CNTLN: variants seen among roughly 807,000 people sequenced by gnomAD.
CNTLN encodes the protein centlein.
In CNTLN, 212 loss-of-function variants were observed where a neutral mutation model predicts 180.0. The ratio of observed to expected loss-of-function variants is 1.18; its 90% CI spans 1.05 to 1.32. The LOEUF is 1.32. Ranked by LOEUF, CNTLN falls within the 40% of genes most tolerant of loss-of-function variation. The probability of loss-of-function intolerance (pLI) is 0.00; values close to 1 mark genes in which losing one functional copy is unlikely to be tolerated. For synonymous variants in CNTLN, 722 were observed against 563.1 expected, an observed-to-expected ratio of 1.28 and a Z score of -3.99; for missense variants, 2,095 against 1,610.9, an observed-to-expected ratio of 1.30 and a Z score of -5.14.
intron 12 of CNTLN, among the ~76,000 whole-genome samples, chr9:17,352,560 AT>A (rs112794339): frequency 0.029 from 4,466 of 152,118 alleles, 159 homozygotes; most frequent in African/African-American, 0.084. Context: ...TTAACAATAT[AT>A]AAATTTCACA....
the CNTLN span, among the ~76,000 whole-genome samples, chr9:17,514,589 A>G: frequency 9.2e-5 from 14 of 152,354 alleles, no homozygotes; most frequent in African/African-American, 3.4e-4. Context: ...ATTTACTAAT[A>G]AAAACATAAG....
intron 2 of CNTLN, among the ~76,000 whole-genome samples, chr9:17,171,601 T>C (rs75566508): frequency 0.019 from 2,895 of 152,268 alleles, 59 homozygotes; most frequent in African/African-American, 0.05. Flanking sequence ...TCCCTCTTGG[T>C]GCTGGGTCTA....
intron 2 of CNTLN, among the ~76,000 whole-genome samples, chr9:17,164,141 ATC>A (rs1232551809): frequency 6.6e-6 from 1 of 151,782 alleles, no homozygotes; most frequent in Non-Finnish European, 1.5e-5. Context: ...GCGAAAACCC[ATC>A]TCTACTAAAA....
intron 18 of CNTLN, among the ~76,000 whole-genome samples, chr9:17,451,225 A>G (rs368854264): frequency 6.6e-6 from 1 of 152,190 alleles, no homozygotes; most frequent in Non-Finnish European, 1.5e-5. Context: ...TAGAATTTAC[A>G]TATATTCTGT....
intron 8 of CNTLN, among the ~76,000 whole-genome samples, chr9:17,312,384 A>ATATATATAATATATATATATATATATT (rs1563985021): frequency 9.3e-6 from 1 of 108,100 alleles, no homozygotes; most frequent in African/African-American, 3.6e-5. Context: ...ATATATATAT[A>ATATATATAATATATATATATATATATT]ATTTATTTAT....
rs79062956 is a variant in CNTLN, at chr9:17,299,385, G to T, written c.1146+1033G>T. On this transcript the variant is annotated intron_variant, in intron 7 of 25. Coordinates refer to ENST00000380647, the MANE Select transcript of CNTLN (RefSeq NM_017738.4). ...GTAGTTGAGGCAAGTGAGGCTTAGAGAGGTTAAATAATACACAGTTCATAT... is the reference window on the plus strand; with the variant it reads ...GTAGTTGAGGCAAGTGAGGCTTAGATAGGTTAAATAATACACAGTTCATAT... 4.0e-3 allele frequency: 3,523 copies of T among 878,908 alleles called. 108 individuals carry two copies. The African/African-American group carries it at 0.06, about 15-fold the overall frequency. 54.4% of individuals were successfully genotyped at this position (878,908 alleles called of 1,614,324 possible). A position where few individuals can be genotyped will look rare whatever the true frequency, so the allele number is the denominator to read the frequency against.
At chr9:17,413,109 A>G (rs1240281941) in intron 16 of CNTLN, among the ~76,000 whole-genome samples, 1 of 150,610 alleles carries the variant, frequency 6.6e-6, no homozygotes, top group Non-Finnish European at 1.5e-5. Context: ...CAGAGAATCT[A>G]GAAATGGATC....
At chr9:17,456,416 T>C (rs1232863865) in intron 18 of CNTLN, among the ~76,000 whole-genome samples, 1 of 152,174 alleles carries the variant, frequency 6.6e-6, no homozygotes, top group African/African-American at 2.4e-5. Flanking sequence ...CAAAACAGTT[T>C]GATCTCAAGT....
the CNTLN span, among the ~76,000 whole-genome samples, chr9:17,508,968 G>A: frequency 1.3e-5 from 2 of 152,192 alleles, no homozygotes; most frequent in Non-Finnish European, 2.9e-5. Flanking sequence ...TACATCCCAT[G>A]TCATGCTCAC....
intron 13 of CNTLN, among the ~76,000 whole-genome samples, chr9:17,372,678 G>C (rs1289532682): frequency 2.6e-5 from 4 of 152,064 alleles, no homozygotes; most frequent in Non-Finnish European, 5.9e-5. Flanking sequence ...ATCAAAAAAA[G>C]GAAACTATAG....
intron 2 of CNTLN, among the ~76,000 whole-genome samples, chr9:17,153,482 C>T (rs896999752): frequency 1.3e-5 from 2 of 152,166 alleles, no homozygotes; most frequent in African/African-American, 4.8e-5. Flanking sequence ...TGAATATTGG[C>T]CTTAACTCTC....
At position 17,135,058 on chromosome 9, in the gene CNTLN, C is replaced by A; in HGVS notation, c.-8C>A. On this transcript the variant is annotated 5_prime_UTR_variant, in exon 1 of 26. Coordinates refer to ENST00000380647, the MANE Select transcript of CNTLN (RefSeq NM_017738.4). ...AACAGGGAACTTGACCCGTTAGCAG[C>A]CGCAGCCATGGCGGCGCGTTCGCCT... 1 of 1,592,766 alleles carries A rather than the reference C, an allele frequency of 6.3e-7. No individual in the cohort carries two copies. Among genetic ancestry groups the A allele is most frequent in the Non-Finnish European group, 8.5e-7 (1 of 1,174,874 alleles).
chr9:17,309,114 C>A lies in CNTLN; in HGVS notation c.1203C>A (p.Leu401=). 1 of 1,607,090 alleles carries A rather than the reference C, an allele frequency of 6.2e-7. No individual in the cohort carries two copies. The highest frequency in any genetic ancestry group is 1.1e-5 in the South Asian group (1 of 89,726). The change falls in exon 8 of 26, where the codon CTC becomes CTA. Residue 401 remains leucine (L), a synonymous_variant. Transcript: ENST00000380647. The stretch of plus-strand genomic sequence containing the variant: ...CCACAAAATCAAATGAAGCTATGCT[C>A]CGGCAAAGTGTTACTAATCTTCAGG... ...FETTKSNEAM[L]RQSVTNLQDQ...
intron 12 of CNTLN, among the ~76,000 whole-genome samples, chr9:17,357,501 C>T (rs12216892): frequency 2.0e-5 from 3 of 149,814 alleles, no homozygotes; most frequent in African/African-American, 7.3e-5. Context: ...TGAGGCCATA[C>T]ATATATTATT....
rs543003051 is a variant in CNTLN at position 17,399,551 on chromosome 9, G to T, written c.2615+4482G>T. On this transcript the variant is annotated intron_variant, in intron 15 of 25. Coordinates refer to ENST00000380647, the MANE Select transcript of CNTLN (RefSeq NM_017738.4). ...TTTTTGCTTCAGGAATATGGCATTTGGATCCTTTTAAAGTTTTCAACCTTA... is the reference window on the plus strand; with the variant it reads ...TTTTTGCTTCAGGAATATGGCATTTTGATCCTTTTAAAGTTTTCAACCTTA... Among the ~76,000 whole-genome samples, 68 of 152,182 alleles carry T rather than the reference G, an allele frequency of 4.5e-4. 1 individual carries two copies. The highest frequency in any genetic ancestry group is 1.5e-3 in the African/African-American group (63 of 41,528).
intron 3 of CNTLN, among the ~76,000 whole-genome samples, chr9:17,227,785 A>G (rs1246497343): frequency 6.6e-6 from 1 of 152,130 alleles, no homozygotes; most frequent in Non-Finnish European, 1.5e-5. Flanking sequence ...AGAAAATGTC[A>G]TAATTGGTAC....
chr9:17,447,252 CA>C (rs1302160053), intron 18 of CNTLN: 1 of 212,700 alleles, frequency 4.7e-6, no homozygotes, highest in Non-Finnish European at 1.0e-5. Context: ...GCCATGTTGC[CA>C]AGCCTAAAGA....
At chr9:17,449,597 G>T (rs1830670897) in intron 18 of CNTLN, among the ~76,000 whole-genome samples, 1 of 151,968 alleles carries the variant, frequency 6.6e-6, no homozygotes, top group Admixed American at 6.6e-5. Context: ...TCTGTGAATA[G>T]ACAAATGTTT....
chr9:17,149,090 A>T (rs1403838296), intron 2 of CNTLN, among the ~76,000 whole-genome samples: 1 of 152,124 alleles, frequency 6.6e-6, no homozygotes, highest in Admixed American at 6.5e-5. Context: ...ATCTTGTGAT[A>T]GTTTGCTGGG....
Sources: allele counts gnomAD v4.1 joint callset (sites outside exome capture counted in the v4.1 genomes callset), GRCh38; gene constraint gnomAD v4.1.1; transcripts MANE v1.5; gene names NCBI Gene and HGNC (gene_info 2026-07-23, HGNC 2026-07-21).